Variants in ENTREP2 observed in about 807,000 individuals in gnomAD.
ENTREP2 encodes the protein endosomal transmembrane epsin interactor 2, also known as protein ENTREP2.
At chr15:29,245,837 TTGGA>T in the ENTREP2 span, among the ~76,000 whole-genome samples, 1 of 152,164 alleles carries the variant, frequency 6.6e-6, no homozygotes, top group African/African-American at 2.4e-5. Context: ...ACACACAAGT[TTGGA>T]TCTGGGTAAC....
chr15:29,124,512 G>A, the ENTREP2 span, among the ~76,000 whole-genome samples: 1 of 152,130 alleles, frequency 6.6e-6, no homozygotes, highest in Non-Finnish European at 1.5e-5. Flanking sequence ...CTGGATATAA[G>A]TGCACCGAGA....
At chr15:29,590,700 A>AG in the ENTREP2 span, among the ~76,000 whole-genome samples, 6 of 149,984 alleles carry the variant, frequency 4.0e-5, no homozygotes, top group South Asian at 2.1e-4. Context: ...AAAAAAAAAA[A>AG]AAAAGAAAAA....
chr15:29,279,194 C>T, the ENTREP2 span, among the ~76,000 whole-genome samples: 3 of 152,150 alleles, frequency 2.0e-5, no homozygotes, highest in South Asian at 2.1e-4. Flanking sequence ...CGTATGTTGA[C>T]GTGTGCCACC....
chr15:29,204,028 T>C, the ENTREP2 span, among the ~76,000 whole-genome samples: 1 of 152,186 alleles, frequency 6.6e-6, no homozygotes, highest in African/African-American at 2.4e-5. Flanking sequence ...AAATAAATCT[T>C]TTCCATCAGT....
At chr15:29,665,067 C>T in the ENTREP2 span, among the ~76,000 whole-genome samples, 7 of 152,166 alleles carry the variant, frequency 4.6e-5, no homozygotes, top group African/African-American at 1.7e-4. Context: ...TGTGCCCACC[C>T]TCCCATCCTC....
chr15:29,223,225 C>T, the ENTREP2 span, among the ~76,000 whole-genome samples: 3 of 152,174 alleles, frequency 2.0e-5, no homozygotes, highest in Non-Finnish European at 4.4e-5. Flanking sequence ...ATTAAAAAAT[C>T]GCAATTCTTA....
chr15:29,177,687 C>T, the ENTREP2 span, among the ~76,000 whole-genome samples: 1 of 152,142 alleles, frequency 6.6e-6, no homozygotes, highest in Non-Finnish European at 1.5e-5. Context: ...GGCAGAGCTG[C>T]CTGGGAAAGG....
chr15:29,468,040 C>A, the ENTREP2 span, among the ~76,000 whole-genome samples: 1 of 152,070 alleles, frequency 6.6e-6, no homozygotes, highest in Non-Finnish European at 1.5e-5. Flanking sequence ...CTTTCTCCTG[C>A]AAGTGGATGG....
chr15:29,129,467 G>A, the ENTREP2 span, among the ~76,000 whole-genome samples: 6 of 152,064 alleles, frequency 3.9e-5, no homozygotes, highest in Non-Finnish European at 7.4e-5. Context: ...TGTGGCTTTC[G>A]ATTTCTTTTT....
the ENTREP2 span, among the ~76,000 whole-genome samples, chr15:29,662,042 C>G: frequency 6.6e-6 from 1 of 151,830 alleles, no homozygotes; most frequent in South Asian, 2.1e-4. Flanking sequence ...GAAACCCCAT[C>G]TCTACTAAAA....
At chr15:29,442,918 C>T in the ENTREP2 span, among the ~76,000 whole-genome samples, 1 of 152,206 alleles carries the variant, frequency 6.6e-6, no homozygotes, top group African/African-American at 2.4e-5. Flanking sequence ...GAGGTGCCTG[C>T]TCCCAAAACA....
At chr15:29,548,838 T>C in the ENTREP2 span, among the ~76,000 whole-genome samples, 1 of 152,228 alleles carries the variant, frequency 6.6e-6, no homozygotes, top group Non-Finnish European at 1.5e-5. Flanking sequence ...TAATATTTGA[T>C]CACACATTCC....
At chr15:29,475,198 T>G in the ENTREP2 span, among the ~76,000 whole-genome samples, 2 of 152,100 alleles carry the variant, frequency 1.3e-5, no homozygotes, top group Non-Finnish European at 2.9e-5. Flanking sequence ...ACTGCACAGA[T>G]GCCAATAATC....
At chr15:29,489,763 C>T in the ENTREP2 span, among the ~76,000 whole-genome samples, 2,567 of 152,260 alleles carry the variant, frequency 0.017, 39 homozygotes, top group Non-Finnish European at 0.024. Flanking sequence ...TGCCTGATGC[C>T]GTCCACAAAG....
chr15:29,380,230 T>C, the ENTREP2 span, among the ~76,000 whole-genome samples: 4 of 152,060 alleles, frequency 2.6e-5, no homozygotes, highest in African/African-American at 9.7e-5. Flanking sequence ...GGAAATTCCT[T>C]ATATGAGCCG....
chr15:29,339,399 G>A, the ENTREP2 span, among the ~76,000 whole-genome samples: 56 of 152,366 alleles, frequency 3.7e-4, no homozygotes, highest in African/African-American at 1.3e-3. Context: ...TCTGGGGACA[G>A]ACAGGCATGA....
At chr15:29,332,533 C>G in the ENTREP2 span, among the ~76,000 whole-genome samples, 1 of 152,166 alleles carries the variant, frequency 6.6e-6, no homozygotes, top group Non-Finnish European at 1.5e-5. Flanking sequence ...TCCTCTGCAG[C>G]CTGGGGTGCT....
the ENTREP2 span, among the ~76,000 whole-genome samples, chr15:29,532,392 T>C: frequency 6.6e-6 from 1 of 152,230 alleles, no homozygotes; most frequent in African/African-American, 2.4e-5. Context: ...AGATACACTA[T>C]TTAAAAATGC....
chr15:29,223,563 T>C, the ENTREP2 span, among the ~76,000 whole-genome samples: 32 of 152,208 alleles, frequency 2.1e-4, no homozygotes, highest in Non-Finnish European at 2.8e-4. Flanking sequence ...GTTTAGCCAC[T>C]AATACCCCCT....
Sources: gnomAD v4.1 joint callset for allele counts (sites outside exome capture counted in the v4.1 genomes callset) on GRCh38, gnomAD v4.1.1 for gene constraint, MANE v1.5 for transcripts, NCBI Gene and HGNC (gene_info 2026-07-23, HGNC 2026-07-21) for gene names.